MTNR1A: variants seen among roughly 807,000 people sequenced by gnomAD.
The protein encoded by MTNR1A is melatonin receptor type 1A.
MTNR1A carries 7 observed loss-of-function variants against 5.5 expected under a neutral mutation model. The ratio of observed to expected loss-of-function variants is 1.28; its 90% CI spans 0.73 to 2.40. The LOEUF is 2.40. Ranked by LOEUF, MTNR1A falls within the 30% of genes most tolerant of loss-of-function variation. MTNR1A has a pLI of 0.00. For missense variants in MTNR1A, 441 were observed against 464.4 expected, an observed-to-expected ratio of 0.95 and a Z score of 0.46; for synonymous variants, 196 against 202.7, an observed-to-expected ratio of 0.97 and a Z score of 0.28.
intron 1 of MTNR1A, among the ~76,000 whole-genome samples, chr4:186,539,184 T>C (rs1736949072): frequency 7.5e-6 from 1 of 133,072 alleles, no homozygotes; most frequent in Non-Finnish European, 1.5e-5. Context: ...GCCACTGCAC[T>C]CCAGCCTGGC....
At chr4:186,545,575 TC>T (rs113372816) in intron 1 of MTNR1A, among the ~76,000 whole-genome samples, 1,703 of 152,252 alleles carry the variant, frequency 0.011, 31 homozygotes, top group African/African-American at 0.038. Context: ...TACTTGCTCT[TC>T]CTGCTCATAT....
chr4:186,553,550 T>C (rs1216104603), intron 1 of MTNR1A, among the ~76,000 whole-genome samples: 1 of 152,234 alleles, frequency 6.6e-6, no homozygotes, highest in African/African-American at 2.4e-5. Context: ...TCACTCTTGT[T>C]GCCCAGGCTA....
At chr4:186,551,616 A>T (rs913356980) in intron 1 of MTNR1A, among the ~76,000 whole-genome samples, 2 of 152,102 alleles carry the variant, frequency 1.3e-5, no homozygotes, top group African/African-American at 4.8e-5. Context: ...TTGGACGTAT[A>T]GGTGGGTGGA....
intron 1 of MTNR1A, among the ~76,000 whole-genome samples, chr4:186,543,450 T>C (rs1341514704): frequency 6.6e-6 from 1 of 152,196 alleles, no homozygotes; most frequent in Non-Finnish European, 1.5e-5. Context: ...GGAATGGTAG[T>C]TCCAAATACC....
At chr4:186,550,186 G>C (rs2111386707) in intron 1 of MTNR1A, among the ~76,000 whole-genome samples, 1 of 152,290 alleles carries the variant, frequency 6.6e-6, no homozygotes, top group East Asian at 1.9e-4. Flanking sequence ...TGGTCACCTT[G>C]ATTATTTGAG....
At chr4:186,546,018 G>T (rs1374740251) in intron 1 of MTNR1A, among the ~76,000 whole-genome samples, 6 of 152,134 alleles carry the variant, frequency 3.9e-5, no homozygotes, top group Admixed American at 6.6e-5. Context: ...GGAAACAAAA[G>T]CCGGATTCAG....
rs1237042394 is a variant in MTNR1A, at chr4:186,555,360, C to T, written c.6G>A (p.Gln2=). Residue 2 remains glutamine (Q), a synonymous_variant, in exon 1 of 2, where the codon CAG becomes CAA. Transcript: ENST00000307161. This position sits in a 1 kb window ranked among gnomAD's most constrained non-coding sequence, Gnocchi z 4.1. The part of the protein sequence containing the change: M[Q]GNGSALPNAS... ...CGTTGGGCAGCGCGCTGCCGTTGCC[C>T]TGCATGGTCCCTGTGCGCGTCCCGG... The T allele has an allele frequency of 1.3e-6, 2 of 1,528,652 alleles. No homozygotes were observed. The highest frequency in any genetic ancestry group is 1.8e-6 in the Non-Finnish European group (2 of 1,137,802). The allele number at this position is 1,528,652 out of a possible 1,614,324, so 94.7% of individuals were successfully genotyped here. A position where few individuals can be genotyped will look rare whatever the true frequency, so the allele number is the denominator to read the frequency against.
intron 1 of MTNR1A, among the ~76,000 whole-genome samples, chr4:186,553,451 G>A (rs1212877475): frequency 6.6e-6 from 1 of 152,206 alleles, no homozygotes; most frequent in African/African-American, 2.4e-5. Flanking sequence ...GAGTTCTTAA[G>A]TTCTTCTTCA....
intron 1 of MTNR1A, among the ~76,000 whole-genome samples, chr4:186,544,705 G>A (rs887317546): frequency 1.3e-5 from 2 of 152,072 alleles, no homozygotes; most frequent in Admixed American, 6.5e-5. Context: ...TTAACCCTGC[G>A]GACACTTTCT....
At chr4:186,543,424 C>A (rs1378540293) in intron 1 of MTNR1A, among the ~76,000 whole-genome samples, 1 of 152,202 alleles carries the variant, frequency 6.6e-6, no homozygotes, top group Admixed American at 6.5e-5. Flanking sequence ...AGCCAGAGGG[C>A]AGAGGAAATG....
intron 1 of MTNR1A, among the ~76,000 whole-genome samples, chr4:186,547,773 A>T (rs2111383996): frequency 6.6e-6 from 1 of 152,342 alleles, no homozygotes; most frequent in South Asian, 2.1e-4. Context: ...TATACACTGT[A>T]TATACAATAC....
chr4:186,542,953 C>T (rs1026209512), intron 1 of MTNR1A, among the ~76,000 whole-genome samples: 2 of 152,056 alleles, frequency 1.3e-5, no homozygotes, highest in African/African-American at 2.4e-5. Flanking sequence ...ATTAGCCAGG[C>T]GTGCAGGTGC....
intron 1 of MTNR1A, among the ~76,000 whole-genome samples, chr4:186,553,193 C>A (rs72716216): frequency 0.32 from 49,012 of 152,134 alleles, 8,011 homozygotes; most frequent in South Asian, 0.46. Context: ...TGAAGATCAT[C>A]AAAACTTTTA....
At chr4:186,541,861 G>C (rs1260947848) in intron 1 of MTNR1A, among the ~76,000 whole-genome samples, 4 of 152,206 alleles carry the variant, frequency 2.6e-5, no homozygotes, top group African/African-American at 9.7e-5. Context: ...CACTGAGCTA[G>C]ATGGGCAACG....
At chr4:186,542,710 G>T (rs1737053045) in intron 1 of MTNR1A, among the ~76,000 whole-genome samples, 1 of 152,150 alleles carries the variant, frequency 6.6e-6, no homozygotes, top group Admixed American at 6.5e-5. Flanking sequence ...TGATACCCTA[G>T]CAAAATGTTT....
chr4:186,533,744 C>T lies in MTNR1A; in HGVS notation c.998G>A (p.Trp333Ter), dbSNP rs1457078138. The T allele has an allele frequency of 1.9e-6, 3 of 1,614,234 alleles. No individual in the cohort carries two copies. The highest frequency in any genetic ancestry group is 1.1e-5 in the South Asian group (1 of 91,086). Reference sequence around the variant, plus strand: ...GTTGGTCATCAGTGGAGACGGTTTCCATTTAACCCTATCGGCCACGTCGTT... The same window carrying T: ...GTTGGTCATCAGTGGAGACGGTTTCTATTTAACCCTATCGGCCACGTCGTT... ...SSNDVADRVK[W>*]KPSPLMTNNN... Residue 333 changes from tryptophan to a stop codon, truncating the protein, a stop_gained, in exon 2 of 2, where the codon TGG becomes TAG. Coordinates refer to ENST00000307161, the MANE Select transcript of MTNR1A (RefSeq NM_005958.4). LOFTEE classifies it high-confidence loss of function.
At chr4:186,544,115 G>T (rs1400331901) in intron 1 of MTNR1A, among the ~76,000 whole-genome samples, 2 of 152,126 alleles carry the variant, frequency 1.3e-5, no homozygotes, top group African/African-American at 4.8e-5. Context: ...ACCCCCACTG[G>T]GTTCAAGCAA....
At position 186,552,709 on chromosome 4, in the gene MTNR1A, G is replaced by A. The variant is rs191615819; in HGVS notation, c.184+2473C>T. ...TATTACCTGCAATTCAACAAATGTG[G>A]AAAATGAAGTTTGGTATTTAGCTTC... On this transcript the variant is annotated intron_variant, in intron 1 of 1. Coordinates refer to ENST00000307161, the MANE Select transcript of MTNR1A (RefSeq NM_005958.4). Among the ~76,000 whole-genome samples, 633 of 152,274 alleles carry A rather than the reference G, an allele frequency of 4.2e-3. 3 individuals are homozygous for A. The highest frequency in any genetic ancestry group is 0.01 in the Admixed American group (159 of 15,302).
At chr4:186,542,779 C>A (rs1284839624) in intron 1 of MTNR1A, among the ~76,000 whole-genome samples, 1 of 152,162 alleles carries the variant, frequency 6.6e-6, no homozygotes, top group African/African-American at 2.4e-5. Flanking sequence ...CCCAAGGGAG[C>A]AATGCTTCCA....
Sources: gnomAD v4.1 joint callset for allele counts (sites outside exome capture counted in the v4.1 genomes callset) on GRCh38, gnomAD v4.1.1 for gene constraint, Gnocchi (gnomAD v3.1) non-coding constraint, MANE v1.5 for transcripts, NCBI Gene and HGNC (gene_info 2026-07-23, HGNC 2026-07-21) for gene names.